TEX11: variants seen among roughly 807,000 people sequenced by gnomAD.
The protein encoded by TEX11 is testis-expressed protein 11.
In TEX11, 7 loss-of-function variants were observed where a neutral mutation model predicts 84.4. The ratio of observed to expected loss-of-function variants is 0.08; its 90% CI spans 0.05 to 0.16. TEX11 has a LOEUF of 0.16. TEX11 is among the 10% of genes least tolerant of loss of function. TEX11 has a pLI of 1.00. For missense variants in TEX11, 551 were observed against 660.5 expected (o/e 0.83, Z 1.82); for synonymous variants, 264 against 222.8 (o/e 1.18, Z -1.64).
At chrX:70,736,093 T>A (rs775123583) in intron 11 of TEX11, among the ~76,000 whole-genome samples, 1 of 111,819 alleles carries the variant, frequency 8.9e-6, no homozygotes, top group African/African-American at 3.2e-5. Flanking sequence ...TTCTTGATGA[T>A]TTCCTTTGAA....
intron 9 of TEX11, among the ~76,000 whole-genome samples, chrX:70,786,355 G>T (rs2091079139): frequency 1.8e-5 from 2 of 111,424 alleles, no homozygotes; most frequent in South Asian, 7.7e-4. Context: ...AGCATTAGGA[G>T]AAATACCTAA....
chrX:70,824,842 T>C (rs1437050358), intron 8 of TEX11, among the ~76,000 whole-genome samples: 1 of 111,925 alleles, frequency 8.9e-6, no homozygotes, highest in African/African-American at 3.2e-5. Context: ...CAATGAGTGT[T>C]GCATACGCAA....
Position 70,833,608 on chromosome X carries a change from G to T in TEX11, c.526-15C>A, listed in dbSNP as rs367962366. The T allele has an allele frequency of 1.6e-4, 181 of 1,158,156 alleles. No homozygotes were observed. Among genetic ancestry groups the T allele is most frequent in the Non-Finnish European group, 2.1e-4 (175 of 853,534 alleles). ...TGAGCAACTGCCTGAAAAAGATAAA[G>T]AATGTCAATAATTGGTTAAAATGAC... is the stretch of plus-strand genomic sequence containing the variant. On this transcript the variant is annotated splice_polypyrimidine_tract_variant and intron_variant, in intron 7 of 29. Coordinates refer to ENST00000374333, the MANE Select transcript of TEX11 (RefSeq NM_031276.3).
Position 70,605,394 on chromosome X carries a change from A to C in TEX11, c.2067+7T>G. The C allele has an allele frequency of 2.6e-6, 3 of 1,146,961 alleles. No homozygotes were observed. The highest frequency in any genetic ancestry group is 3.6e-6 in the Non-Finnish European group (3 of 838,072). The allele number at this position is 1,146,961 out of a possible 1,213,427, so 94.5% of individuals were successfully genotyped here. ...CTCTTGTCTTTTCTTTGAAGGTTGC[A>C]CATTACCTGTTCAAAAGCTGTTGAA... On this transcript the variant is annotated splice_region_variant and intron_variant, in intron 24 of 29. Coordinates refer to ENST00000374333, the MANE Select transcript of TEX11 (RefSeq NM_031276.3).
intron 25 of TEX11, among the ~76,000 whole-genome samples, chrX:70,583,937 G>C (rs1399143252): frequency 8.9e-6 from 1 of 111,901 alleles, no homozygotes; most frequent in African/African-American, 3.2e-5. Flanking sequence ...CACAAATAGA[G>C]ATTACTATGA....
intron 20 of TEX11, among the ~76,000 whole-genome samples, chrX:70,618,309 A>C (rs1227628549): frequency 2.7e-5 from 3 of 111,557 alleles, no homozygotes; most frequent in African/African-American, 9.8e-5. Flanking sequence ...TATCCATCAG[A>C]AGAATCCCCT....
At chrX:70,608,799 G>A (rs2089226184) in intron 22 of TEX11, among the ~76,000 whole-genome samples, 1 of 109,742 alleles carries the variant, frequency 9.1e-6, no homozygotes, top group Admixed American at 9.7e-5. Flanking sequence ...CAACCTTGAG[G>A]ACCTGTAGTT....
At chrX:70,770,445 AG>A (rs1343868560) in intron 9 of TEX11, among the ~76,000 whole-genome samples, 1 of 111,307 alleles carries the variant, frequency 9.0e-6, no homozygotes, top group Non-Finnish European at 1.9e-5. Context: ...GGGAGAGGGG[AG>A]GGATAGCATT....
chrX:70,874,357 A>G (rs906821058), intron 3 of TEX11, among the ~76,000 whole-genome samples: 1 of 105,271 alleles, frequency 9.5e-6, no homozygotes, highest in Admixed American at 1.0e-4. Context: ...TCCATCACAT[A>G]GTATCCTCAA....
chrX:70,718,746 C>T (rs2090529587), intron 13 of TEX11, among the ~76,000 whole-genome samples: 1 of 111,899 alleles, frequency 8.9e-6, no homozygotes, highest in East Asian at 2.8e-4. Context: ...AAAGCTACCA[C>T]ACCCAAGGTC....
At chrX:70,553,560 A>G (rs1292319903) in intron 26 of TEX11, 146 bp from the exon 27 acceptor site, 5 of 414,142 alleles carry the variant, frequency 1.2e-5, no homozygotes, top group Non-Finnish European at 2.1e-5. Context: ...TAAATGATAA[A>G]TCTACAGTCG....
intron 8 of TEX11, among the ~76,000 whole-genome samples, chrX:70,815,118 C>G (rs1420619244): frequency 1.8e-5 from 2 of 111,856 alleles, no homozygotes; most frequent in Non-Finnish European, 3.8e-5. Flanking sequence ...TGTCTCACAA[C>G]TAGCGATACT....
chrX:70,784,030 G>C (rs1425189250), intron 9 of TEX11, among the ~76,000 whole-genome samples: 1 of 111,417 alleles, frequency 9.0e-6, no homozygotes, highest in African/African-American at 3.3e-5. Context: ...CAAAAAAAAA[G>C]AGAATTTTAG....
At chrX:70,796,526 C>CT (rs751457839) in intron 9 of TEX11, among the ~76,000 whole-genome samples, 2 of 111,931 alleles carry the variant, frequency 1.8e-5, no homozygotes, top group Non-Finnish European at 3.8e-5. Flanking sequence ...CCAAAGAAGA[C>CT]TACCTTGTGG....
chrX:70,764,340 G>A (rs1349875864), intron 9 of TEX11, among the ~76,000 whole-genome samples: 2 of 111,254 alleles, frequency 1.8e-5, no homozygotes, highest in Non-Finnish European at 3.8e-5. Context: ...TGCTAAGAGG[G>A]AAGTTTATAG....
chrX:70,587,022 C>T (rs946921951), intron 25 of TEX11, among the ~76,000 whole-genome samples: 4 of 112,238 alleles, frequency 3.6e-5, no homozygotes, highest in Non-Finnish European at 7.5e-5. Context: ...TCTTGCTATG[C>T]TTTAGCAAAG....
chrX:70,639,817 G>A (rs994959246), intron 17 of TEX11, among the ~76,000 whole-genome samples: 3 of 111,213 alleles, frequency 2.7e-5, no homozygotes, highest in Non-Finnish European at 3.8e-5. Context: ...CAAAGATGGG[G>A]AAAAAACAGA....
At chrX:70,773,609 A>G (rs1022027705) in intron 9 of TEX11, among the ~76,000 whole-genome samples, 5 of 111,857 alleles carry the variant, frequency 4.5e-5, no homozygotes, top group African/African-American at 1.3e-4. Context: ...AAAACTCACC[A>G]TAAAGGTAAG....
intron 25 of TEX11, among the ~76,000 whole-genome samples, chrX:70,567,768 G>T (rs1049413785): frequency 2.1e-4 from 24 of 111,905 alleles, no homozygotes; most frequent in Non-Finnish European, 4.3e-4. Context: ...TGATCTGAGA[G>T]ACAGTTTGTT....
Sources: gnomAD v4.1 joint callset for allele counts (sites outside exome capture counted in the v4.1 genomes callset) on GRCh38, gnomAD v4.1.1 for gene constraint, MANE v1.5 for transcripts, NCBI Gene and HGNC (gene_info 2026-07-23, HGNC 2026-07-21) for gene names.